Variants in GPC5 observed in about 807,000 individuals in gnomAD.
GPC5 encodes glypican 5.
Under a neutral mutation model 53.9 loss-of-function variants are expected in GPC5, and 47 were observed. The observed-to-expected ratio is 0.87, with a 90% confidence interval of 0.69 to 1.11. The LOEUF (loss-of-function observed/expected upper bound fraction) is 1.11, where lower values mean the gene tolerates loss of function less well. Ranked by LOEUF, GPC5 falls within the 50% of genes most tolerant of loss-of-function variation. The probability of loss-of-function intolerance (pLI) is 0.00; values close to 1 mark genes in which losing one functional copy is unlikely to be tolerated. For synonymous variants in GPC5, 286 were observed against 263.3 expected (o/e 1.09, Z -0.84); for missense variants, 748 against 713.1 (o/e 1.05, Z -0.56).
intron 7 of GPC5, among the ~76,000 whole-genome samples, chr13:92,341,218 A>G (rs2043363695): frequency 6.6e-6 from 1 of 152,144 alleles, no homozygotes; most frequent in African/African-American, 2.4e-5. Context: ...TTTTCCTAAT[A>G]AAAAGGACTT....
chr13:92,620,841 A>G (rs1267538847), intron 7 of GPC5, among the ~76,000 whole-genome samples: 2 of 152,218 alleles, frequency 1.3e-5, no homozygotes, highest in East Asian at 3.9e-4. Flanking sequence ...CCATATCACT[A>G]TCTTTAAACA....
At chr13:92,699,297 A>C (rs1350032168) in intron 7 of GPC5, among the ~76,000 whole-genome samples, 1 of 151,694 alleles carries the variant, frequency 6.6e-6, no homozygotes, top group African/African-American at 2.4e-5. Flanking sequence ...TTTTTATTCC[A>C]TCTATTAGAT....
intron 2 of GPC5, among the ~76,000 whole-genome samples, chr13:91,560,507 C>G (rs1357494666): frequency 1.3e-5 from 2 of 152,064 alleles, no homozygotes; most frequent in Non-Finnish European, 2.9e-5. Context: ...TGCCAGTAAT[C>G]ACAATGCCTT....
At chr13:91,505,730 C>T (rs1884903436) in intron 2 of GPC5, among the ~76,000 whole-genome samples, 1 of 152,182 alleles carries the variant, frequency 6.6e-6, no homozygotes, top group African/African-American at 2.4e-5. Context: ...TTGTGTCCCT[C>T]ACTGTCATTT....
chr13:92,402,935 T>G (rs562018288), intron 7 of GPC5, among the ~76,000 whole-genome samples: 1 of 152,282 alleles, frequency 6.6e-6, no homozygotes, highest in South Asian at 2.1e-4. Context: ...GCAGCATAGC[T>G]CTGCTTGTTT....
chr13:92,317,938 A>G (rs2043190793), intron 7 of GPC5, among the ~76,000 whole-genome samples: 1 of 152,198 alleles, frequency 6.6e-6, no homozygotes, highest in African/African-American at 2.4e-5. Flanking sequence ...ATTCTGGTGA[A>G]TGAAGTTCAG....
chr13:91,439,032 C>T (rs574673529), intron 1 of GPC5, among the ~76,000 whole-genome samples: 12 of 152,336 alleles, frequency 7.9e-5, no homozygotes, highest in East Asian at 3.9e-4. Flanking sequence ...TCTTCTGTGT[C>T]GCTCACGCTG....
intron 7 of GPC5, chr13:92,448,399 C>A (rs1877920045): frequency 6.6e-6 from 1 of 151,966 alleles, no homozygotes; most frequent in Non-Finnish European, 1.5e-5. Flanking sequence ...AAATGTACAT[C>A]AATAAATTCA....
chr13:92,581,478 C>T (rs1415943414), intron 7 of GPC5, among the ~76,000 whole-genome samples: 1 of 152,090 alleles, frequency 6.6e-6, no homozygotes, highest in Non-Finnish European at 1.5e-5. Context: ...CATTGATGAA[C>T]ACATAGGGTG....
rs9589609 is a variant in GPC5, at chr13:92,642,339, T to C, written c.1562-223943T>C. Among the ~76,000 whole-genome samples the C allele has an allele frequency of 6.6e-5, 10 of 152,280 alleles. No individual in the cohort carries two copies. In the East Asian group the frequency reaches 1.2e-3, roughly 18 times the overall value. On this transcript the variant is annotated intron_variant, in intron 7 of 7. Coordinates refer to ENST00000377067, the MANE Select transcript of GPC5 (RefSeq NM_004466.6). ...ACAGGGCTTCTACCTTTCATAAAAA[T>C]CCATCCTCACCTGTGACTCATCTTT... is the stretch of plus-strand genomic sequence containing the variant.
At chr13:92,141,475 T>G (rs2041829992) in intron 6 of GPC5, among the ~76,000 whole-genome samples, 1 of 152,162 alleles carries the variant, frequency 6.6e-6, no homozygotes, top group Non-Finnish European at 1.5e-5. Flanking sequence ...TACCATCTTC[T>G]CAGGAAGGTG....
At chr13:92,067,895 A>G (rs2041179722) in intron 6 of GPC5, among the ~76,000 whole-genome samples, 1 of 152,006 alleles carries the variant, frequency 6.6e-6, no homozygotes, top group Non-Finnish European at 1.5e-5. Context: ...AGTTAATTTT[A>G]AGACAAGCAT....
chr13:92,073,348 A>G (rs2041227953), intron 6 of GPC5, among the ~76,000 whole-genome samples: 1 of 152,196 alleles, frequency 6.6e-6, no homozygotes, highest in East Asian at 1.9e-4. Flanking sequence ...ATTGAACCCA[A>G]TAAGCTTTCT....
At chr13:91,939,506 C>A (rs978646958) in intron 6 of GPC5, among the ~76,000 whole-genome samples, 1 of 152,118 alleles carries the variant, frequency 6.6e-6, no homozygotes, top group African/African-American at 2.4e-5. Flanking sequence ...AAGCATCTCA[C>A]AAATATTAAC....
chr13:91,474,200 A>C (rs1402258175), intron 2 of GPC5, among the ~76,000 whole-genome samples: 1 of 152,156 alleles, frequency 6.6e-6, no homozygotes, highest in African/African-American at 2.4e-5. Context: ...TGTGCTTTGT[A>C]AATCTATTTT....
At chr13:92,422,532 A>ACC (rs1566583701) in intron 7 of GPC5, among the ~76,000 whole-genome samples, 5,593 of 130,480 alleles carry the variant, frequency 0.043, 124 homozygotes, top group African/African-American at 0.074. Flanking sequence ...ACACACACAC[A>ACC]ACTTCTTGGA....
intron 1 of GPC5, among the ~76,000 whole-genome samples, chr13:91,442,529 T>C (rs1880513720): frequency 6.6e-6 from 1 of 152,206 alleles, no homozygotes; most frequent in African/African-American, 2.4e-5. Context: ...ACATACCAGG[T>C]CTCCCTCCAT....
rs369640877 is a variant in GPC5 at position 91,975,330 on chromosome 13, C to T, written c.1401+67273C>T. Among the ~76,000 whole-genome samples the T allele has an allele frequency of 1.8e-4, 27 of 152,156 alleles. No individual in the cohort carries two copies. The East Asian group carries it at 2.1e-3, about 12-fold the overall frequency. On this transcript the variant is annotated intron_variant, in intron 6 of 7. Coordinates refer to ENST00000377067, the MANE Select transcript of GPC5 (RefSeq NM_004466.6). ...AAAGAAACTACCGTCAGAGTGAACA[C>T]GCAACCTACAAAATGGGAGAAAATT...
intron 6 of GPC5, among the ~76,000 whole-genome samples, chr13:91,975,704 T>G (rs2040293406): frequency 6.6e-6 from 1 of 152,146 alleles, no homozygotes. Context: ...ATTGTGGAAG[T>G]CAGTGTGGCG....
Sources: allele counts gnomAD v4.1 joint callset (sites outside exome capture counted in the v4.1 genomes callset), GRCh38; gene constraint gnomAD v4.1.1; transcripts MANE v1.5; gene names NCBI Gene and HGNC (gene_info 2026-07-23, HGNC 2026-07-21).